The following HMBOX1 variants were observed in gnomAD, a reference collection of about 807,000 sequenced individuals.
The protein encoded by HMBOX1 is homeobox containing 1, also known as homeobox-containing protein 1.
In HMBOX1, 14 loss-of-function variants were observed where a neutral mutation model predicts 54.5. The ratio of observed to expected loss-of-function variants is 0.26; its 90% CI spans 0.17 to 0.40. The LOEUF (loss-of-function observed/expected upper bound fraction) is 0.40, where lower values mean the gene tolerates loss of function less well. Ranked by LOEUF, HMBOX1 falls within the 10% of genes least tolerant of loss-of-function variation. The pLI, the probability that HMBOX1 is intolerant of heterozygous loss-of-function variation, is 1.00. For synonymous variants in HMBOX1, 160 were observed against 181.0 expected (o/e 0.88, Z 0.93); for missense variants, 332 against 514.4 (o/e 0.65, Z 3.43).
chr8:29,027,222 T>G (rs969939519), intron 6 of HMBOX1, among the ~76,000 whole-genome samples: 1 of 152,236 alleles, frequency 6.6e-6, no homozygotes, highest in African/African-American at 2.4e-5. Flanking sequence ...AATGTGATTC[T>G]ACAATGCTCA....
At chr8:28,914,721 G>A (rs538872077) in intron 1 of HMBOX1, among the ~76,000 whole-genome samples, 1 of 152,290 alleles carries the variant, frequency 6.6e-6, no homozygotes, top group South Asian at 2.1e-4. Flanking sequence ...TTTCATTTCA[G>A]TGAAAATTTC....
chr8:29,047,814 G>A (rs1317652578), intron 8 of HMBOX1, among the ~76,000 whole-genome samples: 3 of 151,968 alleles, frequency 2.0e-5, no homozygotes, highest in Non-Finnish European at 4.4e-5. Flanking sequence ...TGATCCGTCC[G>A]CCTCGGCCTC....
chr8:29,029,935 A>G (rs1263977189), intron 6 of HMBOX1, among the ~76,000 whole-genome samples: 1 of 151,598 alleles, frequency 6.6e-6, no homozygotes, highest in Non-Finnish European at 1.5e-5. Context: ...TATTATTACT[A>G]TTATTATCTT....
Position 28,970,062 on chromosome 8 carries a change from C to T in HMBOX1, c.43C>T (p.His15Tyr), listed in dbSNP as rs1827129341. 6.2e-7 allele frequency: 1 copy of T among 1,610,738 alleles called. No individual in the cohort carries two copies. The highest frequency in any genetic ancestry group is 8.5e-7 in the Non-Finnish European group (1 of 1,177,226). Residue 15 changes from histidine (H) to tyrosine (Y), a missense_variant, in exon 3 of 10, where the codon CAT (histidine) becomes TAT (tyrosine). Coordinates refer to ENST00000287701, the MANE Select transcript of HMBOX1 (RefSeq NM_001135726.3). This position sits in a 1 kb window ranked among gnomAD's most constrained non-coding sequence, Gnocchi z 4.3. ...FPVVLLETMSHYTDEPRFTIE... is the reference protein window; with the variant it reads ...FPVVLLETMSYYTDEPRFTIE... ...TTTTAGTTTGCTGGAAACCATGTCT[C>T]ATTATACAGATGAACCCAGATTTAC...
intron 4 of HMBOX1, among the ~76,000 whole-genome samples, chr8:28,984,138 C>T (rs1212527570): frequency 1.3e-5 from 2 of 152,170 alleles, no homozygotes; most frequent in Non-Finnish European, 2.9e-5. Context: ...TCACTCCCTG[C>T]AGTACCTCAT....
At chr8:29,049,108 A>G in intron 9 of HMBOX1, 60 bp downstream of exon 9, 1 of 1,514,280 alleles carries the variant, frequency 6.6e-7, no homozygotes, top group Non-Finnish European at 9.2e-7. Context: ...ATAGTGGGAC[A>G]GCTTAGTTCC....
At chr8:28,987,257 C>G (rs1179795561) in intron 4 of HMBOX1, among the ~76,000 whole-genome samples, 1 of 152,094 alleles carries the variant, frequency 6.6e-6, no homozygotes, top group African/African-American at 2.4e-5. Context: ...CTCTCCAGTT[C>G]TTGTTTCCTA....
At position 28,970,098 on chromosome 8, in the gene HMBOX1, A is replaced by G; in HGVS notation, c.79A>G (p.Ile27Val). 2 of 1,614,116 alleles carry G rather than the reference A, an allele frequency of 1.2e-6. No individual in the cohort carries two copies. The highest frequency in any genetic ancestry group is 1.7e-6 in the Non-Finnish European group (2 of 1,179,992). ...TDEPRFTIEQIDLLQRLRRTG... is the reference protein window; with the variant it reads ...TDEPRFTIEQVDLLQRLRRTG... ...TGAACCCAGATTTACCATAGAGCAG[A>G]TAGATCTGCTTCAGCGACTTCGGCG... is the stretch of plus-strand genomic sequence containing the variant. Residue 27 changes from isoleucine to valine, a missense_variant, in exon 3 of 10, where the codon ATA (isoleucine) becomes GTA (valine). Ile to Val is a conservative substitution (Grantham distance 29). This residue lies in a region of HMBOX1 where 146 missense variants were observed against 173.3 expected (regional missense o/e 0.84). Transcript: ENST00000287701. The surrounding 1 kb of genome is among the most constrained non-coding windows in gnomAD (Gnocchi z 4.3).
intron 1 of HMBOX1, among the ~76,000 whole-genome samples, chr8:28,956,951 C>T (rs1349252840): frequency 6.6e-6 from 1 of 152,176 alleles, no homozygotes; most frequent in Non-Finnish European, 1.5e-5. Flanking sequence ...TACCATCTCA[C>T]ACCAGTCAGA....
rs1563501860 is a variant in HMBOX1 at position 28,973,815 on chromosome 8, T to TG, written c.500+3296_500+3297insG. ...GATACATAATGGAGTTTTTTTTTTT[T>TG]TTTTTTTTTTTTTTTTTTTGAGACA... On this transcript the variant is annotated intron_variant, in intron 3 of 9. Coordinates refer to ENST00000287701, the MANE Select transcript of HMBOX1 (RefSeq NM_001135726.3). Among the ~76,000 whole-genome samples the TG allele has an allele frequency of 8.8e-3, 401 of 45,334 alleles. 9 individuals carry two copies. Among genetic ancestry groups the TG allele is most frequent in the Middle Eastern group, 0.023 (2 of 86 alleles). The allele number at this position is 45,334 out of a possible 152,430, so 29.7% of individuals were successfully genotyped here. A position where few individuals can be genotyped will look rare whatever the true frequency, so the allele number is the denominator to read the frequency against.
intron 1 of HMBOX1, among the ~76,000 whole-genome samples, chr8:28,940,354 G>A (rs1417660008): frequency 6.6e-6 from 1 of 152,130 alleles, no homozygotes; most frequent in Non-Finnish European, 1.5e-5. Flanking sequence ...TTTATCATTA[G>A]TTCCTAAGGT....
intron 1 of HMBOX1, among the ~76,000 whole-genome samples, chr8:28,928,508 C>T (rs1818938600): frequency 6.6e-6 from 1 of 152,126 alleles, no homozygotes; most frequent in African/African-American, 2.4e-5. Context: ...AGCCAGCAAT[C>T]CCACTTGTGG....
intron 4 of HMBOX1, among the ~76,000 whole-genome samples, chr8:28,988,849 T>C (rs555192459): frequency 8.5e-5 from 13 of 152,322 alleles, no homozygotes; most frequent in Non-Finnish European, 1.9e-4. Flanking sequence ...GATATACATA[T>C]TTCCTAGTCT....
chr8:29,001,902 C>G (rs1832732329), intron 4 of HMBOX1, among the ~76,000 whole-genome samples: 1 of 152,192 alleles, frequency 6.6e-6, no homozygotes, highest in Non-Finnish European at 1.5e-5. Flanking sequence ...AATGTAAATG[C>G]TGACTGTCTA....
intron 5 of HMBOX1, among the ~76,000 whole-genome samples, chr8:29,014,319 C>A (rs1834677652): frequency 6.6e-6 from 1 of 152,050 alleles, no homozygotes; most frequent in Non-Finnish European, 1.5e-5. Flanking sequence ...CCTGTTAGGA[C>A]CTTAGCCAAC....
At chr8:28,979,914 T>C (rs921264797) in intron 3 of HMBOX1, among the ~76,000 whole-genome samples, 157 bp from the exon 4 acceptor site, 11 of 152,208 alleles carry the variant, frequency 7.2e-5, no homozygotes, top group Non-Finnish European at 1.3e-4. Context: ...CTTGGTTCAT[T>C]GTAATTTCAT....
intron 4 of HMBOX1, among the ~76,000 whole-genome samples, chr8:29,002,631 G>A (rs1326090031): frequency 2.0e-5 from 3 of 152,028 alleles, no homozygotes; most frequent in African/African-American, 7.2e-5. Flanking sequence ...TTTTTACCTT[G>A]CTTTAGTGGA....
intron 9 of HMBOX1, chr8:29,050,555 T>TGTAA (rs1270981470): frequency 1.3e-5 from 2 of 153,244 alleles, no homozygotes; most frequent in Admixed American, 6.5e-5. Context: ...AAGATGTAAT[T>TGTAA]GTAAGTTCTG....
chr8:28,934,858 C>T (rs1294898257), intron 1 of HMBOX1, among the ~76,000 whole-genome samples: 1 of 149,076 alleles, frequency 6.7e-6, no homozygotes, highest in African/African-American at 2.5e-5. Context: ...ACCCGGGAGG[C>T]GGAGCTTGCA....
Sources: allele counts gnomAD v4.1 joint callset (sites outside exome capture counted in the v4.1 genomes callset), GRCh38; gene constraint gnomAD v4.1.1; regional missense constraint gnomAD v4.1.1; non-coding constraint Gnocchi (gnomAD v3.1); transcripts MANE v1.5; gene names NCBI Gene and HGNC (gene_info 2026-07-23, HGNC 2026-07-21).